Variants in LRRC7 observed in about 807,000 individuals in gnomAD.
LRRC7 encodes leucine rich repeat containing 7, also known as leucine-rich repeat-containing protein 7.
In LRRC7, 23 loss-of-function variants were observed where a neutral mutation model predicts 175.7. That is an observed-to-expected ratio of 0.13 (90% CI 0.09 to 0.19). The LOEUF (loss-of-function observed/expected upper bound fraction) is 0.19. Ranked by LOEUF, LRRC7 falls within the 10% of genes least tolerant of loss-of-function variation. The pLI, the probability that LRRC7 is intolerant of heterozygous loss-of-function variation, is 1.00. For missense variants in LRRC7, 1,354 were observed against 1,904.7 expected (o/e 0.71, Z 5.38); for synonymous variants, 685 against 680.9 (o/e 1.01, Z -0.09).
chr1:70,001,670 T>C (rs750309614), intron 11 of LRRC7, among the ~76,000 whole-genome samples: 1 of 152,190 alleles, frequency 6.6e-6, no homozygotes, highest in Non-Finnish European at 1.5e-5. Flanking sequence ...CTGGAAGAAT[T>C]CATTTTTCAC....
At chr1:69,768,025 A>T (rs971719266) in intron 3 of LRRC7, among the ~76,000 whole-genome samples, 23 of 151,984 alleles carry the variant, frequency 1.5e-4, no homozygotes, top group Admixed American at 2.6e-4. Context: ...CACGCCGGCC[A>T]CTCATGCTGG....
At chr1:69,841,846 A>C (rs1022341628) in intron 7 of LRRC7, among the ~76,000 whole-genome samples, 1 of 152,110 alleles carries the variant, frequency 6.6e-6, no homozygotes, top group Non-Finnish European at 1.5e-5. Flanking sequence ...GCATCACTTG[A>C]TTATTTTTCT....
intron 7 of LRRC7, among the ~76,000 whole-genome samples, chr1:69,853,603 A>G (rs895833101): frequency 6.6e-6 from 1 of 152,016 alleles, no homozygotes; most frequent in Non-Finnish European, 1.5e-5. Flanking sequence ...ATAATTTTAA[A>G]TCATTTCTGA....
intron 2 of LRRC7, among the ~76,000 whole-genome samples, chr1:69,704,519 A>G (rs1347140174): frequency 6.6e-6 from 1 of 151,956 alleles, no homozygotes. Flanking sequence ...TATATAGACT[A>G]TTTATGGCTA....
intron 25 of LRRC7, among the ~76,000 whole-genome samples, chr1:70,104,809 G>A (rs1049623426): frequency 6.6e-5 from 10 of 152,110 alleles, no homozygotes; most frequent in African/African-American, 2.2e-4. Context: ...AGTGTTGCTA[G>A]TTCCTCCCAG....
In LRRC7 at chr1:69,696,009, G is replaced by C. The variant is rs562987978; in HGVS notation, c.100+17531G>C. The stretch of plus-strand genomic sequence containing the variant: ...AACTGTGGAGTCAGAGTCCGCACTG[G>C]AGCACTGCCTAGTGGAGCTGCGGGA... On this transcript the variant is annotated intron_variant, in intron 2 of 26. Coordinates refer to ENST00000651989, the MANE Select transcript of LRRC7 (RefSeq NM_001370785.2). 2.6e-5 allele frequency among the ~76,000 whole-genome samples: 4 copies of C among 152,300 alleles called. No homozygotes were observed. The East Asian group carries it at 7.7e-4, about 29-fold the overall frequency.
chr1:69,656,876 TTTTAGCAACAATGTAATGG>T (rs1656672101), intron 1 of LRRC7, among the ~76,000 whole-genome samples: 3 of 151,678 alleles, frequency 2.0e-5, no homozygotes, highest in Admixed American at 2.0e-4. Flanking sequence ...AAATAAACAA[TTTTAGCAACAATGTAATGG>T]GAAGTATCAA....
chr1:69,963,749 A>T (rs1651375170), intron 8 of LRRC7, among the ~76,000 whole-genome samples: 2 of 152,176 alleles, frequency 1.3e-5, no homozygotes, highest in Non-Finnish European at 2.9e-5. Flanking sequence ...GTATAGGTGG[A>T]GGGTAATGCA....
At chr1:70,081,499 C>G (rs1663208009) in intron 24 of LRRC7, among the ~76,000 whole-genome samples, 1 of 152,158 alleles carries the variant, frequency 6.6e-6, no homozygotes, top group African/African-American at 2.4e-5. Context: ...TTATAGACTA[C>G]AAAACTAAGA....
In LRRC7 at chr1:69,780,946, C is replaced by A. The variant is rs935090408; in HGVS notation, c.304-11097C>A. On this transcript the variant is annotated intron_variant, in intron 3 of 26. Coordinates refer to ENST00000651989, the MANE Select transcript of LRRC7 (RefSeq NM_001370785.2). The stretch of plus-strand genomic sequence containing the variant: ...AGGATTTATCTTTTGAAAATTCGCA[C>A]ACAACTAATACTTTTGTATTTGTGG... Among the ~76,000 whole-genome samples, 3 of 152,258 alleles carry A rather than the reference C, an allele frequency of 2.0e-5. No homozygotes were observed. The South Asian group carries it at 6.2e-4, about 32-fold the overall frequency.
chr1:69,843,224 A>G (rs188642921), intron 7 of LRRC7, among the ~76,000 whole-genome samples: 71 of 151,992 alleles, frequency 4.7e-4, no homozygotes, highest in African/African-American at 1.6e-3. Flanking sequence ...CAAAAAAAAA[A>G]CCTAGTATAG....
At chr1:69,687,141 A>G (rs1291789065) in intron 2 of LRRC7, among the ~76,000 whole-genome samples, 5 of 152,174 alleles carry the variant, frequency 3.3e-5, no homozygotes, top group Admixed American at 3.3e-4. Flanking sequence ...TCTTTTATTT[A>G]GCCCAACTTA....
intron 4 of LRRC7, among the ~76,000 whole-genome samples, chr1:69,798,135 TG>T (rs1676022877): frequency 6.6e-6 from 1 of 152,164 alleles, no homozygotes; most frequent in African/African-American, 2.4e-5. Flanking sequence ...TTGGTCAGGC[TG>T]GTCTCGAACT....
At chr1:69,617,412 C>G (rs1272923516) in intron 1 of LRRC7, among the ~76,000 whole-genome samples, 1 of 151,826 alleles carries the variant, frequency 6.6e-6, no homozygotes, top group African/African-American at 2.4e-5. Flanking sequence ...GTTTCACAAT[C>G]AACAGTTTTT....
chr1:69,611,870 T>C (rs1334536772), intron 1 of LRRC7, among the ~76,000 whole-genome samples: 4 of 152,000 alleles, frequency 2.6e-5, no homozygotes, highest in Non-Finnish European at 4.4e-5. Flanking sequence ...TTAGCCAAAC[T>C]CAGCTGGAAA....
intron 2 of LRRC7, among the ~76,000 whole-genome samples, chr1:69,729,583 C>T (rs11805171): frequency 0.021 from 3,131 of 152,288 alleles, 114 homozygotes; most frequent in African/African-American, 0.071. Flanking sequence ...CTAGGTCAGG[C>T]TGATGATGCA....
At chr1:70,018,249 C>T (rs893639489) in intron 14 of LRRC7, among the ~76,000 whole-genome samples, 1 of 151,812 alleles carries the variant, frequency 6.6e-6, no homozygotes, top group African/African-American at 2.4e-5. Context: ...TAAAGTGGAC[C>T]CTGTCTTTGG....
At chr1:69,679,792 T>G (rs1227800500) in intron 2 of LRRC7, among the ~76,000 whole-genome samples, 1 of 152,128 alleles carries the variant, frequency 6.6e-6, no homozygotes, top group Non-Finnish European at 1.5e-5. Flanking sequence ...CAAATGGTTA[T>G]CACAGAGTTA....
chr1:69,593,382 T>A (rs935574800), intron 1 of LRRC7, among the ~76,000 whole-genome samples: 3 of 152,136 alleles, frequency 2.0e-5, no homozygotes, highest in African/African-American at 7.2e-5. Context: ...ATTGTTTTTA[T>A]AGTTTTGCTT....
Sources: gnomAD v4.1 joint callset for allele counts (sites outside exome capture counted in the v4.1 genomes callset) on GRCh38, gnomAD v4.1.1 for gene constraint, MANE v1.5 for transcripts, NCBI Gene and HGNC (gene_info 2026-07-23, HGNC 2026-07-21) for gene names.